The following MLLT3 variants were observed in gnomAD, a reference collection of about 807,000 sequenced individuals.
MLLT3 encodes MLLT3 super elongation complex subunit.
Under a neutral mutation model 53.2 loss-of-function variants are expected in MLLT3, and 4 were observed. The observed-to-expected ratio is 0.08, with a 90% CI of 0.04 to 0.17. MLLT3 has a LOEUF of 0.17. Ranked by LOEUF, MLLT3 falls within the 10% of genes least tolerant of loss-of-function variation. The pLI is 1.00. For missense variants in MLLT3, 569 were observed against 684.0 expected, an observed-to-expected ratio of 0.83 and a Z score of 1.87; for synonymous variants, 283 against 230.6, an observed-to-expected ratio of 1.23 and a Z score of -2.06.
At chr9:20,467,968 C>T (rs569603029) in intron 2 of MLLT3, among the ~76,000 whole-genome samples, 14 of 152,226 alleles carry the variant, frequency 9.2e-5, no homozygotes, top group East Asian at 1.9e-4. Context: ...GTATGTATAA[C>T]GTGGAGACAG....
At chr9:20,602,799 G>T (rs1378240522) in intron 2 of MLLT3, among the ~76,000 whole-genome samples, 1 of 108,484 alleles carries the variant, frequency 9.2e-6, no homozygotes, top group East Asian at 2.6e-4. Context: ...CACACACACA[G>T]CATATGCACA....
chr9:20,362,747 C>T (rs1358094874), intron 7 of MLLT3: 1 of 123,804 alleles, frequency 8.1e-6, no homozygotes, highest in African/African-American at 3.3e-5. Flanking sequence ...GGGTCTTCTA[C>T]ATAGTAATGG....
At chr9:20,580,838 C>T (rs778516175) in intron 2 of MLLT3, among the ~76,000 whole-genome samples, 4 of 152,208 alleles carry the variant, frequency 2.6e-5, no homozygotes, top group Non-Finnish European at 4.4e-5. Flanking sequence ...ACCCCTCCCT[C>T]CAGTTCAGAG....
intron 4 of MLLT3, among the ~76,000 whole-genome samples, chr9:20,443,599 G>C (rs750325105): frequency 6.6e-6 from 1 of 152,152 alleles, no homozygotes; most frequent in Admixed American, 6.5e-5. Context: ...CTATCAATGC[G>C]CTGGTTACAC....
At chr9:20,439,278 C>T (rs1464170930) in intron 4 of MLLT3, among the ~76,000 whole-genome samples, 1 of 152,004 alleles carries the variant, frequency 6.6e-6, no homozygotes, top group African/African-American at 2.4e-5. Flanking sequence ...ATCCCTTGAA[C>T]CCAGGAGGCA....
Position 20,346,396 on chromosome 9 carries a change from A to G in MLLT3, c.*47T>C. Reference sequence around the variant, plus strand: ...ATCACAACCAAAAAAAAAAAAAACCAAAAAAAAAAAACACAATAGTTCTTG... The same window carrying G: ...ATCACAACCAAAAAAAAAAAAAACCGAAAAAAAAAAACACAATAGTTCTTG... On this transcript the variant is annotated 3_prime_UTR_variant, in exon 11 of 11. Coordinates refer to ENST00000380338, the MANE Select transcript of MLLT3 (RefSeq NM_004529.4). The G allele has an allele frequency of 1.1e-6, 1 of 937,118 alleles. No individual in the cohort carries two copies. The highest frequency in any genetic ancestry group is 1.4e-6 in the Non-Finnish European group (1 of 708,646). The allele number at this position is 937,118 out of a possible 1,614,324, so 58.1% of individuals were successfully genotyped here. A position where few individuals can be genotyped will look rare whatever the true frequency, so the allele number is the denominator to read the frequency against.
At chr9:20,615,612 T>C (rs1489194502) in intron 2 of MLLT3, among the ~76,000 whole-genome samples, 1 of 151,896 alleles carries the variant, frequency 6.6e-6, no homozygotes, top group Non-Finnish European at 1.5e-5. Flanking sequence ...GTGTGCCAGA[T>C]TGTAGGCTGA....
At chr9:20,561,337 CA>C (rs1486562298) in intron 2 of MLLT3, among the ~76,000 whole-genome samples, 6 of 152,014 alleles carry the variant, frequency 3.9e-5, no homozygotes, top group Admixed American at 2.6e-4. Context: ...TCAAGATACT[CA>C]AACTCTTCAT....
chr9:20,378,562 A>G (rs1447029787), intron 5 of MLLT3, among the ~76,000 whole-genome samples: 1 of 152,046 alleles, frequency 6.6e-6, no homozygotes, highest in Non-Finnish European at 1.5e-5. Flanking sequence ...TAAAAACCCA[A>G]CACAAAATAC....
intron 4 of MLLT3, among the ~76,000 whole-genome samples, chr9:20,433,447 A>T (rs1219436696): frequency 6.6e-6 from 1 of 152,178 alleles, no homozygotes; most frequent in Non-Finnish European, 1.5e-5. Context: ...ACATCTTCTC[A>T]AAGTACCTTC....
chr9:20,473,478 A>G (rs1176023365), intron 2 of MLLT3, among the ~76,000 whole-genome samples: 2 of 152,120 alleles, frequency 1.3e-5, no homozygotes, highest in Non-Finnish European at 2.9e-5. Context: ...CCTTAATGTG[A>G]TAACAACACT....
chr9:20,563,645 C>G (rs1223911268), intron 2 of MLLT3, among the ~76,000 whole-genome samples: 1 of 152,106 alleles, frequency 6.6e-6, no homozygotes, highest in Non-Finnish European at 1.5e-5. Flanking sequence ...TAAAGCCTCT[C>G]AGCTGGGTTA....
At chr9:20,488,304 G>A (rs1447160332) in intron 2 of MLLT3, among the ~76,000 whole-genome samples, 1 of 152,042 alleles carries the variant, frequency 6.6e-6, no homozygotes, top group Non-Finnish European at 1.5e-5. Flanking sequence ...GTGCAACAAT[G>A]TGAATATGCT....
At chr9:20,558,091 C>T (rs1819108309) in intron 2 of MLLT3, among the ~76,000 whole-genome samples, 1 of 152,086 alleles carries the variant, frequency 6.6e-6, no homozygotes, top group South Asian at 2.1e-4. Flanking sequence ...AAAGAGGCTG[C>T]AAGAAGGAAG....
At chr9:20,416,713 G>A (rs1822880576) in intron 4 of MLLT3, among the ~76,000 whole-genome samples, 1 of 152,070 alleles carries the variant, frequency 6.6e-6, no homozygotes, top group Non-Finnish European at 1.5e-5. Context: ...ACAAGCAAGT[G>A]ACCCAGACAT....
At chr9:20,458,270 T>C (rs1824020793) in intron 2 of MLLT3, among the ~76,000 whole-genome samples, 1 of 152,224 alleles carries the variant, frequency 6.6e-6, no homozygotes, top group African/African-American at 2.4e-5. Flanking sequence ...GGATCTTGTC[T>C]GCTAATTTCC....
At chr9:20,453,650 C>T (rs1190224994) in intron 3 of MLLT3, among the ~76,000 whole-genome samples, 1 of 152,144 alleles carries the variant, frequency 6.6e-6, no homozygotes, top group East Asian at 1.9e-4. Context: ...GTTGTCATTC[C>T]AACATATGCT....
chr9:20,381,956 T>C (rs1821919074), intron 5 of MLLT3, among the ~76,000 whole-genome samples: 2 of 151,914 alleles, frequency 1.3e-5, no homozygotes, highest in African/African-American at 4.8e-5. Flanking sequence ...ACGATAATCA[T>C]GAGTTAAAAA....
chr9:20,368,491 G>A (rs1410515994), intron 5 of MLLT3, among the ~76,000 whole-genome samples: 1 of 152,154 alleles, frequency 6.6e-6, no homozygotes, highest in East Asian at 1.9e-4. Flanking sequence ...GAGCCACTCT[G>A]CCAGAGCTAT....
Sources: allele counts gnomAD v4.1 joint callset (sites outside exome capture counted in the v4.1 genomes callset), GRCh38; gene constraint gnomAD v4.1.1; transcripts MANE v1.5; gene names NCBI Gene and HGNC (gene_info 2026-07-23, HGNC 2026-07-21).